RMDN2: variants seen among roughly 807,000 people sequenced by gnomAD.
The protein encoded by RMDN2 is regulator of microtubule dynamics protein 2.
In RMDN2, 61 loss-of-function variants were observed where a neutral mutation model predicts 52.8. That is an observed-to-expected ratio of 1.16 (90% CI 0.94 to 1.43). The LOEUF is 1.43. Ranked by LOEUF, RMDN2 falls within the 40% of genes most tolerant of loss-of-function variation. The probability of loss-of-function intolerance (pLI) is 0.00; values close to 1 mark genes in which losing one functional copy is unlikely to be tolerated. For synonymous variants in RMDN2, 180 were observed against 153.1 expected, an observed-to-expected ratio of 1.18 and a Z score of -1.30; for missense variants, 592 against 475.3, an observed-to-expected ratio of 1.25 and a Z score of -2.28.
At chr2:38,022,875 G>A (rs764359378) in intron 10 of RMDN2, among the ~76,000 whole-genome samples, 6 of 152,200 alleles carry the variant, frequency 3.9e-5, no homozygotes, top group Non-Finnish European at 8.8e-5. Flanking sequence ...CAGTTTAAGC[G>A]TTGATGTGTA....
At chr2:37,962,149 C>G (rs1670322816) in intron 2 of RMDN2, among the ~76,000 whole-genome samples, 1 of 152,228 alleles carries the variant, frequency 6.6e-6, no homozygotes, top group Non-Finnish European at 1.5e-5. Context: ...GAGATGTCTC[C>G]TCGTCCGGAG....
intron 8 of RMDN2, among the ~76,000 whole-genome samples, chr2:38,001,051 GC>G (rs1676252890): frequency 6.6e-6 from 1 of 152,208 alleles, no homozygotes; most frequent in African/African-American, 2.4e-5. Context: ...CTTATTGTTT[GC>G]AGTCATATGA....
At chr2:38,027,265 A>G (rs1462341131) in intron 10 of RMDN2, 1 of 152,186 alleles carries the variant, frequency 6.6e-6, no homozygotes, top group Non-Finnish European at 1.5e-5. Flanking sequence ...GTAAGCTGGG[A>G]CAATAAGAAG....
intron 1 of RMDN2, among the ~76,000 whole-genome samples, chr2:37,926,288 A>G (rs1666270347): frequency 6.6e-6 from 1 of 152,248 alleles, no homozygotes; most frequent in Admixed American, 6.5e-5. Flanking sequence ...TTCTACATCA[A>G]AAAATTAATT....
chr2:37,980,276 A>G (rs1673126335), intron 4 of RMDN2, among the ~76,000 whole-genome samples: 1 of 152,130 alleles, frequency 6.6e-6, no homozygotes, highest in Non-Finnish European at 1.5e-5. Flanking sequence ...CAAGCCATAA[A>G]CAAACCTCTA....
At chr2:37,957,793 T>G (rs1438414740) in intron 2 of RMDN2, among the ~76,000 whole-genome samples, 1 of 152,208 alleles carries the variant, frequency 6.6e-6, no homozygotes, top group Non-Finnish European at 1.5e-5. Flanking sequence ...ATCATTTAAG[T>G]CTTTGATCCT....
intron 2 of RMDN2, among the ~76,000 whole-genome samples, chr2:37,971,725 A>T (rs1434661686): frequency 6.6e-6 from 1 of 152,128 alleles, no homozygotes; most frequent in Non-Finnish European, 1.5e-5. Context: ...TGCTGTACCA[A>T]TACCACACTG....
rs1423292822 is a variant in RMDN2, at chr2:37,929,457, TGACCAAGG to T, written c.181_188del (p.Asp61AsnfsTer34). 6.4e-7 allele frequency: 1 copy of T among 1,551,730 alleles called. No homozygotes were observed. Among genetic ancestry groups the T allele is most frequent in the South Asian group, 1.2e-5 (1 of 84,064 alleles). On this transcript the variant is annotated frameshift_variant, in exon 2 of 11. Coordinates refer to ENST00000354545, the MANE Select transcript of RMDN2 (RefSeq NM_001170791.3). LOFTEE classifies it high-confidence loss of function. Reference sequence around the variant, plus strand: ...TAACTTTGCAAGATGAAATACATGATGACCAAGGAACAACAGTAATCTTTCAAGAAAGG... The same window carrying T: ...TAACTTTGCAAGATGAAATACATGATAACAACAGTAATCTTTCAAGAAAGG...
chr2:37,988,536 G>A (rs866610742), intron 5 of RMDN2, among the ~76,000 whole-genome samples: 14 of 152,270 alleles, frequency 9.2e-5, no homozygotes, highest in Middle Eastern at 6.8e-3. Context: ...TTAAGTTATC[G>A]TTTGTGTCTA....
At chr2:37,964,959 G>C (rs1670837883) in intron 2 of RMDN2, among the ~76,000 whole-genome samples, 1 of 151,948 alleles carries the variant, frequency 6.6e-6, no homozygotes, top group African/African-American at 2.4e-5. Flanking sequence ...ATATCTTCTT[G>C]GTAATTGGCT....
intron 10 of RMDN2, among the ~76,000 whole-genome samples, chr2:38,045,875 G>C (rs1393612259): frequency 1.3e-5 from 2 of 152,196 alleles, no homozygotes; most frequent in East Asian, 1.9e-4. Flanking sequence ...TGGCCAACAA[G>C]TGTTGCCGTA....
At chr2:37,935,535 T>C (rs574543027) in intron 2 of RMDN2, among the ~76,000 whole-genome samples, 130 of 152,316 alleles carry the variant, frequency 8.5e-4, no homozygotes, top group African/African-American at 2.7e-3. Context: ...TTCTGATCTT[T>C]TAAAAAATGA....
chr2:37,933,637 C>T (rs997462678), intron 2 of RMDN2, among the ~76,000 whole-genome samples: 5 of 152,352 alleles, frequency 3.3e-5, no homozygotes, highest in East Asian at 1.9e-4. Flanking sequence ...TCAGGCGTGG[C>T]GGCGTGCGCC....
chr2:37,936,954 A>G (rs573603304), intron 2 of RMDN2, among the ~76,000 whole-genome samples: 1 of 152,302 alleles, frequency 6.6e-6, no homozygotes, highest in South Asian at 2.1e-4. Context: ...TGTTTTAGTC[A>G]TGAAGTCTTT....
At chr2:38,041,730 A>G (rs1346180055) in intron 10 of RMDN2, among the ~76,000 whole-genome samples, 1 of 152,076 alleles carries the variant, frequency 6.6e-6, no homozygotes, top group Non-Finnish European at 1.5e-5. Context: ...TTTTTAGTGT[A>G]TTAATGTGAT....
chr2:38,033,300 G>A (rs775676981), intron 10 of RMDN2: 3 of 152,182 alleles, frequency 2.0e-5, no homozygotes, highest in Non-Finnish European at 4.4e-5. Context: ...CTAGCTAAAA[G>A]TAGCTGTCCT....
At chr2:38,044,796 T>C (rs1191508553) in intron 10 of RMDN2, among the ~76,000 whole-genome samples, 2 of 152,132 alleles carry the variant, frequency 1.3e-5, no homozygotes, top group Non-Finnish European at 2.9e-5. Context: ...TTCTTGCATG[T>C]TGTCTACTTT....
chr2:37,960,184 T>C (rs1450973594), intron 2 of RMDN2, among the ~76,000 whole-genome samples: 1 of 152,158 alleles, frequency 6.6e-6, no homozygotes, highest in Non-Finnish European at 1.5e-5. Flanking sequence ...TGAATTCAAG[T>C]CCTGAATATC....
At chr2:37,926,802 T>TGCCCACGCTTGTGGTC (rs1324012649) in intron 1 of RMDN2, among the ~76,000 whole-genome samples, 1 of 152,148 alleles carries the variant, frequency 6.6e-6, no homozygotes, top group African/African-American at 2.4e-5. Context: ...CGGGCGTGGT[T>TGCCCACGCTTGTGGTC]GCCCACGCTT....
Sources: gnomAD v4.1 joint callset for allele counts (sites outside exome capture counted in the v4.1 genomes callset) on GRCh38, gnomAD v4.1.1 for gene constraint, MANE v1.5 for transcripts, NCBI Gene and HGNC (gene_info 2026-07-23, HGNC 2026-07-21) for gene names.